Variants in PDCD6IP observed in about 807,000 individuals in gnomAD.
The protein encoded by PDCD6IP is programmed cell death 6-interacting protein.
In PDCD6IP, 43 loss-of-function variants were observed where a neutral mutation model predicts 103.7. That is an observed-to-expected ratio of 0.41 (90% confidence interval 0.32 to 0.53). The LOEUF is 0.53. PDCD6IP is among the 20% of genes least tolerant of loss of function. The probability of loss-of-function intolerance (pLI) is 0.16; values close to 1 mark genes in which losing one functional copy is unlikely to be tolerated. For missense variants in PDCD6IP, 871 were observed against 1,036.7 expected (o/e 0.84, Z 2.20); for synonymous variants, 354 against 378.7 (o/e 0.93, Z 0.76).
chr3:33,863,777 G>A, intron 15 of PDCD6IP: 1 of 509,686 alleles, frequency 2.0e-6, no homozygotes, highest in East Asian at 3.5e-5. Context: ...TATATACCCA[G>A]CAGTGGGATT....
chr3:33,861,078 A>G (rs1338990672), intron 15 of PDCD6IP, among the ~76,000 whole-genome samples: 2 of 151,636 alleles, frequency 1.3e-5, no homozygotes, highest in Non-Finnish European at 2.9e-5. Flanking sequence ...TTAACATATA[A>G]TCAATGTAAA....
intron 15 of PDCD6IP, among the ~76,000 whole-genome samples, chr3:33,861,233 C>T (rs951808170): frequency 5.9e-5 from 9 of 151,780 alleles, no homozygotes; most frequent in Non-Finnish European, 1.2e-4. Flanking sequence ...CAACCTCCGC[C>T]TCCTGGGTTC....
At chr3:33,855,873 C>G (rs190488268) in intron 15 of PDCD6IP, among the ~76,000 whole-genome samples, 61 of 152,280 alleles carry the variant, frequency 4.0e-4, no homozygotes, top group Non-Finnish European at 7.2e-4. Context: ...ACAACAACAA[C>G]AAATGTAAGG....
intron 7 of PDCD6IP, among the ~76,000 whole-genome samples, chr3:33,834,252 C>T (rs572845784): frequency 3.3e-5 from 5 of 152,210 alleles, no homozygotes; most frequent in African/African-American, 7.2e-5. Flanking sequence ...TTTACCGTCA[C>T]CTGGCAAGGT....
intron 7 of PDCD6IP, among the ~76,000 whole-genome samples, chr3:33,830,126 T>A (rs1039855155): frequency 6.6e-6 from 1 of 152,130 alleles, no homozygotes; most frequent in Non-Finnish European, 1.5e-5. Flanking sequence ...ACCATAACAA[T>A]GGAAATGTTG....
chr3:33,826,860 A>G, intron 6 of PDCD6IP: 3 of 1,196,742 alleles, frequency 2.5e-6, no homozygotes, highest in South Asian at 2.0e-5. Context: ...CAATACTTTT[A>G]TCAAATCAAG....
In PDCD6IP at chr3:33,841,946, G is replaced by A. The variant is rs1188636031; in HGVS notation, c.1231G>A (p.Asp411Asn). 6.3e-7 allele frequency: 1 copy of A among 1,580,844 alleles called. No individual in the cohort carries two copies. Reference protein sequence around the residue: ...LPAAIEDVSGDTVPQSILTKS... With the variant: ...LPAAIEDVSGNTVPQSILTKS... ...AGCAGCAATTGAAGATGTGTCTGGA[G>A]ACACTGTACCTCAGTCTATATTGAC... The change falls in exon 10 of 18, where the codon GAC becomes AAC. Residue 411 changes from aspartate (D) to asparagine (N), a missense_variant. Transcript: ENST00000307296.
chr3:33,826,941 C>T, intron 6 of PDCD6IP: 1 of 1,002,748 alleles, frequency 1.0e-6, no homozygotes, highest in Non-Finnish European at 1.2e-6. Flanking sequence ...ATGATTCACA[C>T]TTTTAATTAT....
At chr3:33,805,497 C>A (rs1465614766) in intron 1 of PDCD6IP, among the ~76,000 whole-genome samples, 2 of 151,856 alleles carry the variant, frequency 1.3e-5, no homozygotes, top group Non-Finnish European at 1.5e-5. Flanking sequence ...TACAGTGGCG[C>A]CACAATAGCC....
intron 1 of PDCD6IP, among the ~76,000 whole-genome samples, chr3:33,803,455 T>C (rs1696520454): frequency 6.6e-6 from 1 of 152,246 alleles, no homozygotes; most frequent in Non-Finnish European, 1.5e-5. Flanking sequence ...CTTGTTCTTT[T>C]CTTTTGCCCA....
rs768111776 is a variant in PDCD6IP at position 33,798,646 on chromosome 3, C to G, written c.-83C>G. 1.0e-5 allele frequency: 13 copies of G among 1,286,444 alleles called. No individual in the cohort carries two copies. The highest frequency in any genetic ancestry group is 1.6e-5 in the South Asian group (1 of 61,078). The allele number at this position is 1,286,444 out of a possible 1,614,324, so 79.7% of individuals were successfully genotyped here. ...CTGTCAGCCAGTCAGTCCGCCAGTC[C>G]GCCAGCCCAGTACCTCTCTCTCCTC... On this transcript the variant is annotated 5_prime_UTR_variant, in exon 1 of 18. Transcript: ENST00000307296.
At position 33,844,029 on chromosome 3, in the gene PDCD6IP, A is replaced by G. The variant is rs562090880; in HGVS notation, c.1360-83A>G. The G allele has an allele frequency of 4.2e-5, 35 of 827,870 alleles. No homozygotes were observed. The African/African-American group carries it at 6.3e-4, about 15-fold the overall frequency. 51.3% of individuals were successfully genotyped at this position (827,870 alleles called of 1,614,324 possible). A position where few individuals can be genotyped will look rare whatever the true frequency, so the allele number is the denominator to read the frequency against. On this transcript the variant is annotated intron_variant, in intron 10 of 17. Coordinates refer to ENST00000307296, the MANE Select transcript of PDCD6IP (RefSeq NM_013374.6). ...CCCATCTCACCAAATTCTCACTTAT[A>G]TTGTGTATGAACATTTATTAAATGT...
chr3:33,834,352 G>A (rs1057175656), intron 7 of PDCD6IP, among the ~76,000 whole-genome samples: 1 of 152,142 alleles, frequency 6.6e-6, no homozygotes, highest in Non-Finnish European at 1.5e-5. Flanking sequence ...TTCCCCCTCT[G>A]TGTATAGCGT....
In PDCD6IP at chr3:33,828,907, T is replaced by A. The variant is rs752706437; in HGVS notation, c.772T>A (p.Tyr258Asn). 1 of 1,611,930 alleles carries A rather than the reference T, an allele frequency of 6.2e-7. No homozygotes were observed. Among genetic ancestry groups the A allele is most frequent in the South Asian group, 1.1e-5 (1 of 90,774 alleles). Reference sequence around the variant, plus strand: ...CTGTATCATGCAGGCCAATGCTGAGTACCATCAGTCTATCCTGGCAAAACA... The same window carrying A: ...CTGTATCATGCAGGCCAATGCTGAGAACCATCAGTCTATCCTGGCAAAACA... ...KHCIMQANAE[Y>N]HQSILAKQQK... Residue 258 changes from tyrosine to asparagine, a missense_variant, in exon 7 of 18, where the codon TAC becomes AAC. Tyr to Asn is a moderately radical substitution (Grantham distance 143). This residue lies in a region of PDCD6IP where 242 missense variants were observed against 250.7 expected (regional missense o/e 0.97). Coordinates refer to ENST00000307296, the MANE Select transcript of PDCD6IP (RefSeq NM_013374.6).
chr3:33,856,349 T>C (rs1273282191), intron 15 of PDCD6IP, among the ~76,000 whole-genome samples: 1 of 151,480 alleles, frequency 6.6e-6, no homozygotes, highest in African/African-American at 2.4e-5. Flanking sequence ...AGGAAAGAAG[T>C]AGAAGGGAAG....
Position 33,813,742 on chromosome 3 carries a change from T to C in PDCD6IP, c.334+114T>C, listed in dbSNP as rs1206909958. 6.1e-6 allele frequency: 4 copies of C among 656,364 alleles called. No homozygotes were observed. The Middle Eastern group carries it at 9.9e-4, about 162-fold the overall frequency. The allele number at this position is 656,364 out of a possible 1,614,324, so 40.7% of individuals were successfully genotyped here. A position where few individuals can be genotyped will look rare whatever the true frequency, so the allele number is the denominator to read the frequency against. On this transcript the variant is annotated intron_variant, in intron 3 of 17. Transcript: ENST00000307296. ...TTTGTAAATACTAAAGTTTTTTACATTTCATTCTCTTTTTAGCTTCAACTT... is the reference window on the plus strand; with the variant it reads ...TTTGTAAATACTAAAGTTTTTTACACTTCATTCTCTTTTTAGCTTCAACTT...
At chr3:33,861,730 G>A (rs947449465) in intron 15 of PDCD6IP, among the ~76,000 whole-genome samples, 1 of 152,198 alleles carries the variant, frequency 6.6e-6, no homozygotes, top group African/African-American at 2.4e-5. Flanking sequence ...TGCTGGGTTT[G>A]TAGTATTATC....
chr3:33,835,256 C>T, intron 7 of PDCD6IP: 1 of 456,460 alleles, frequency 2.2e-6, no homozygotes. Context: ...TTTTTCAGAT[C>T]CACCCTTTCA....
At position 33,868,359 on chromosome 3, in the gene PDCD6IP, A is replaced by G. The variant is rs1698111912; in HGVS notation, c.*1834A>G. On this transcript the variant is annotated 3_prime_UTR_variant, in exon 18 of 18. Coordinates refer to ENST00000307296, the MANE Select transcript of PDCD6IP (RefSeq NM_013374.6). ...TTGGGGAAAGAGGGCACCAAAGAAA[A>G]GGGTAAGTGCATCTGAGGGCCAAAA... 1.3e-5 allele frequency: 2 copies of G among 152,240 alleles called. No homozygotes were observed. Among genetic ancestry groups the G allele is most frequent in the South Asian group, 4.1e-4 (2 of 4,828 alleles). The allele number at this position is 152,240 out of a possible 1,614,324, so 9.4% of individuals were successfully genotyped here. A position where few individuals can be genotyped will look rare whatever the true frequency, so the allele number is the denominator to read the frequency against.
Sources: gnomAD v4.1 joint callset for allele counts (sites outside exome capture counted in the v4.1 genomes callset) on GRCh38, gnomAD v4.1.1 for gene constraint, gnomAD v4.1.1 regional missense constraint, MANE v1.5 for transcripts, NCBI Gene and HGNC (gene_info 2026-07-23, HGNC 2026-07-21) for gene names.